TMEM63B: variants seen among roughly 807,000 people sequenced by gnomAD.
The protein encoded by TMEM63B is transmembrane protein 63B.
TMEM63B carries 23 observed loss-of-function variants against 102.6 expected under a neutral mutation model. The ratio of observed to expected loss-of-function variants is 0.22; its 90% CI spans 0.16 to 0.32. The LOEUF (loss-of-function observed/expected upper bound fraction) is 0.32. TMEM63B is among the 10% of genes least tolerant of loss of function. The pLI is 1.00. For missense variants in TMEM63B, 628 were observed against 1,095.9 expected, an observed-to-expected ratio of 0.57 and a Z score of 6.03; for synonymous variants, 444 against 437.0, an observed-to-expected ratio of 1.02 and a Z score of -0.20.
chr6:44,152,537 C>A lies in TMEM63B; in HGVS notation c.1837-56C>A. 7.6e-7 allele frequency: 1 copy of A among 1,322,432 alleles called. No individual in the cohort carries two copies. The highest frequency in any genetic ancestry group is 1.1e-6 in the Non-Finnish European group (1 of 928,566). 81.9% of individuals were successfully genotyped at this position (1,322,432 alleles called of 1,614,324 possible). ...TCCCTTCCCCCTCCCTCCTTCCCTG[C>A]CCCTCTGGTCAGTCCCTGCCTCCCT... is the stretch of plus-strand genomic sequence containing the variant. On this transcript the variant is annotated intron_variant, in intron 19 of 23. Coordinates refer to ENST00000323267, the MANE Select transcript of TMEM63B (RefSeq NM_018426.3). This position sits in a 1 kb window ranked among gnomAD's most constrained non-coding sequence, Gnocchi z 6.4.
At position 44,154,975 on chromosome 6, in the gene TMEM63B, C is replaced by T; in HGVS notation, c.*92C>T. ...CGCTAATAATTTATTAGATCTAAAG[C>T]CCCTTCCTCCCCAGCCCCTGCTTTC... is the stretch of plus-strand genomic sequence containing the variant. On this transcript the variant is annotated 3_prime_UTR_variant, in exon 24 of 24. Coordinates refer to ENST00000323267, the MANE Select transcript of TMEM63B (RefSeq NM_018426.3). 8.4e-7 allele frequency: 1 copy of T among 1,184,432 alleles called. No homozygotes were observed. The highest frequency in any genetic ancestry group is 1.1e-6 in the Non-Finnish European group (1 of 875,202). 73.4% of individuals were successfully genotyped at this position (1,184,432 alleles called of 1,614,324 possible).
At position 44,154,716 on chromosome 6, in the gene TMEM63B, G is replaced by T. The variant is rs1767678747; in HGVS notation, c.2332G>T (p.Asp778Tyr). The change falls in exon 24 of 24, where the codon GAC becomes TAC. Residue 778 changes from aspartate to tyrosine, a missense_variant. Transcript: ENST00000323267. ...GAAATACATCGCTCAGGTGCTGCAGGACTCAGAGGTGGACGGGGATGGGGA... is the reference window on the plus strand; with the variant it reads ...GAAATACATCGCTCAGGTGCTGCAGTACTCAGAGGTGGACGGGGATGGGGA... ...SAKYIAQVLQ[D>Y]SEVDGDGDGA... is the part of the protein sequence containing the mutation. The T allele has an allele frequency of 6.4e-7, 1 of 1,568,252 alleles. No individual in the cohort carries two copies. The highest frequency in any genetic ancestry group is 8.6e-7 in the Non-Finnish European group (1 of 1,159,590).
At chr6:44,149,497 A>G (rs1278649130) in intron 15 of TMEM63B, among the ~76,000 whole-genome samples, 1 of 152,234 alleles carries the variant, frequency 6.6e-6, no homozygotes, top group Non-Finnish European at 1.5e-5. Context: ...CATGGATTCA[A>G]ATCCCTACCT....
At chr6:44,133,552 TCTC>T (rs1388327787) in intron 1 of TMEM63B, among the ~76,000 whole-genome samples, 1 of 152,150 alleles carries the variant, frequency 6.6e-6, no homozygotes, top group Non-Finnish European at 1.5e-5. Context: ...AGGCCACACT[TCTC>T]CGCTATCCTG....
chr6:44,153,545 C>T (rs1767275939), intron 20 of TMEM63B, 131 bp from the exon 21 acceptor site: 1 of 1,039,870 alleles, frequency 9.6e-7, no homozygotes, highest in East Asian at 2.6e-5. Flanking sequence ...GGGCACTATC[C>T]CGTCCTGGGG....
intron 3 of TMEM63B, 27 bp from the exon 4 acceptor site, chr6:44,135,301 C>A: frequency 6.2e-7 from 1 of 1,609,624 alleles, no homozygotes. Flanking sequence ...CCCGCCCCTG[C>A]TAACCCTGTC....
chr6:44,144,722 G>A (rs9369456), intron 10 of TMEM63B, among the ~76,000 whole-genome samples: 13,338 of 151,458 alleles, frequency 0.088, 844 homozygotes, highest in East Asian at 0.25. Flanking sequence ...TCAGACTCCC[G>A]AGTAGCTGGA....
At chr6:44,135,152 C>G in intron 3 of TMEM63B, 56 bp downstream of exon 3, 7 of 1,602,522 alleles carry the variant, frequency 4.4e-6, no homozygotes, top group Non-Finnish European at 6.0e-6. Flanking sequence ...GTTCCACACT[C>G]CTCAGGAATA....
intron 22 of TMEM63B, 68 bp from the exon 23 acceptor site, chr6:44,154,297 C>A (rs571108091): frequency 6.2e-7 from 1 of 1,601,388 alleles, no homozygotes; most frequent in Non-Finnish European, 8.6e-7. Flanking sequence ...CAGGGCCAAG[C>A]GGGCGTGGGG....
chr6:44,148,316 AG>A lies in TMEM63B; in HGVS notation c.1054del (p.Glu352ArgfsTer3). On this transcript the variant is annotated frameshift_variant, in exon 13 of 24. Coordinates refer to ENST00000323267, the MANE Select transcript of TMEM63B (RefSeq NM_018426.3). LOFTEE classifies it high-confidence loss of function. The surrounding 1 kb of genome is among the most constrained non-coding windows in gnomAD (Gnocchi z 5.1). ...QKLKEDYKRE[K>X]EKVNEKPLGM... ...CTGAAGGAAGACTACAAGCGGGAGAAGGAGAAGGTGAATGAGAAGCCTCTTG... is the reference window on the plus strand; with the variant it reads ...CTGAAGGAAGACTACAAGCGGGAGAAGAGAAGGTGAATGAGAAGCCTCTTG... The A allele has an allele frequency of 6.2e-7, 1 of 1,614,266 alleles. No homozygotes were observed. Among genetic ancestry groups the A allele is most frequent in the Non-Finnish European group, 8.5e-7 (1 of 1,180,048 alleles).
chr6:44,128,331 T>C (rs1233066380), intron 1 of TMEM63B, among the ~76,000 whole-genome samples: 1 of 151,864 alleles, frequency 6.6e-6, no homozygotes, highest in African/African-American at 2.4e-5. Context: ...CACAGTGCAG[T>C]TCATTCATGA....
chr6:44,144,293 A>C (rs763739720), intron 10 of TMEM63B, among the ~76,000 whole-genome samples: 52 of 152,188 alleles, frequency 3.4e-4, no homozygotes, highest in Non-Finnish European at 6.6e-4. Flanking sequence ...CTGGATTGGA[A>C]GACTGTCTCA....
chr6:44,150,032 AGCACTTT>A lies in TMEM63B; in HGVS notation c.1520+70_1520+76del. ...CCTCAATGACCCATCCTCTCTGGGC[AGCACTTT>A]GCCCTTCAGGCTCCTGGCCCTGGGC... On this transcript the variant is annotated intron_variant, in intron 16 of 23. Transcript: ENST00000323267. This position sits in a 1 kb window ranked among gnomAD's most constrained non-coding sequence, Gnocchi z 4.7. 1 of 1,513,114 alleles carries A rather than the reference AGCACTTT, an allele frequency of 6.6e-7. No individual in the cohort carries two copies. The highest frequency in any genetic ancestry group is 9.1e-7 in the Non-Finnish European group (1 of 1,103,362). The allele number at this position is 1,513,114 out of a possible 1,614,324, so 93.7% of individuals were successfully genotyped here.
At chr6:44,154,471 G>A (rs776049503) in intron 23 of TMEM63B, 26 bp downstream of exon 23, 2 of 1,613,220 alleles carry the variant, frequency 1.2e-6, no homozygotes, top group Non-Finnish European at 8.5e-7. Context: ...GGTTGGGAGG[G>A]GCCTCTGACA....
intron 10 of TMEM63B, 128 bp from the exon 11 acceptor site, chr6:44,146,719 G>A: frequency 1.0e-6 from 1 of 959,526 alleles, no homozygotes; most frequent in Non-Finnish European, 1.7e-6. Flanking sequence ...CCAAAGTGCT[G>A]GGATTACAGA....
Position 44,150,733 on chromosome 6 carries a change from C to G in TMEM63B, c.1673+104C>G. 7.5e-6 allele frequency: 9 copies of G among 1,192,754 alleles called. No homozygotes were observed. Among genetic ancestry groups the G allele is most frequent in the Non-Finnish European group, 8.6e-6 (7 of 816,548 alleles). The allele number at this position is 1,192,754 out of a possible 1,614,324, so 73.9% of individuals were successfully genotyped here. A position where few individuals can be genotyped will look rare whatever the true frequency, so the allele number is the denominator to read the frequency against. The stretch of plus-strand genomic sequence containing the variant: ...GAGGGTGCAACAAAGCTTCCAACTC[C>G]TGGAGGGGGCAGAAGAGAGAGGATC... On this transcript the variant is annotated intron_variant, in intron 18 of 23. Transcript: ENST00000323267. This position sits in a 1 kb window ranked among gnomAD's most constrained non-coding sequence, Gnocchi z 4.7.
At chr6:44,153,873 G>C in intron 21 of TMEM63B, 30 bp downstream of exon 21, 1 of 1,602,820 alleles carries the variant, frequency 6.2e-7, no homozygotes, top group Non-Finnish European at 8.5e-7. Context: ...GGAACGGGGG[G>C]TGGCGAGCAG....
chr6:44,150,412 C>T lies in TMEM63B; in HGVS notation c.1607+102C>T. 8 of 1,463,126 alleles carry T rather than the reference C, an allele frequency of 5.5e-6. No homozygotes were observed. The highest frequency in any genetic ancestry group is 7.6e-6 in the Non-Finnish European group (8 of 1,046,694). The allele number at this position is 1,463,126 out of a possible 1,614,324, so 90.6% of individuals were successfully genotyped here. A position where few individuals can be genotyped will look rare whatever the true frequency, so the allele number is the denominator to read the frequency against. On this transcript the variant is annotated intron_variant, in intron 17 of 23. Coordinates refer to ENST00000323267, the MANE Select transcript of TMEM63B (RefSeq NM_018426.3). The surrounding 1 kb of genome is among the most constrained non-coding windows in gnomAD (Gnocchi z 4.7). ...TACCTCCCCTACAAAGCAAGGGGCC[C>T]AAGATGGGAAGCCTGGCCACCCCCA...
rs148992491 is a variant in TMEM63B, at chr6:44,133,818, G to C, written c.-24-743G>C. Among the ~76,000 whole-genome samples, 478 of 152,368 alleles carry C rather than the reference G, an allele frequency of 3.1e-3. 3 individuals are homozygous for C. Among genetic ancestry groups the C allele is most frequent in the African/African-American group, 0.011 (460 of 41,588 alleles). On this transcript the variant is annotated intron_variant, in intron 1 of 23. Coordinates refer to ENST00000323267, the MANE Select transcript of TMEM63B (RefSeq NM_018426.3). ...CTTTCCCAGCCTTCCCTGCTTCAGA[G>C]GCAGGAGCATGGCACTCTGGGAGTT...
Sources: gnomAD v4.1 joint callset for allele counts (sites outside exome capture counted in the v4.1 genomes callset) on GRCh38, gnomAD v4.1.1 for gene constraint, Gnocchi (gnomAD v3.1) non-coding constraint, MANE v1.5 for transcripts, NCBI Gene and HGNC (gene_info 2026-07-23, HGNC 2026-07-21) for gene names.